Variants in DPP6 observed in about 807,000 individuals in gnomAD.
DPP6 encodes the protein dipeptidyl peptidase like 6.
In DPP6, 69 loss-of-function variants were observed where a neutral mutation model predicts 122.6. The observed-to-expected ratio is 0.56, with a 90% CI of 0.46 to 0.69. The LOEUF is 0.69. Among genes scored for constraint, DPP6 ranks in the 30% least tolerant of loss-of-function variants. DPP6 has a pLI of 0.00. For missense variants in DPP6, 928 were observed against 1,116.9 expected (o/e 0.83, Z 2.41); for synonymous variants, 418 against 433.1 (o/e 0.97, Z 0.43).
intron 2 of DPP6, among the ~76,000 whole-genome samples, chr7:154,473,925 T>A (rs1043671005): frequency 6.6e-6 from 1 of 152,158 alleles, no homozygotes; most frequent in Non-Finnish European, 1.5e-5. Context: ...ACTGTTGAAA[T>A]GAGAAAACTG....
At chr7:153,846,836 G>C in the DPP6 span, among the ~76,000 whole-genome samples, 1 of 151,766 alleles carries the variant, frequency 6.6e-6, no homozygotes, top group Non-Finnish European at 1.5e-5. Flanking sequence ...GGGACTACAG[G>C]CACCTGCCAC....
intron 1 of DPP6, among the ~76,000 whole-genome samples, chr7:154,188,585 G>T (rs961783729): frequency 6.6e-6 from 1 of 151,920 alleles, no homozygotes; most frequent in Non-Finnish European, 1.5e-5. Context: ...CTGGAAGGAG[G>T]ACCCCTAACC....
At chr7:154,404,313 A>T (rs1201951097) in intron 1 of DPP6, among the ~76,000 whole-genome samples, 1 of 152,252 alleles carries the variant, frequency 6.6e-6, no homozygotes, top group Non-Finnish European at 1.5e-5. Flanking sequence ...ATCAGAAGCT[A>T]CGCAGAGGAG....
intron 1 of DPP6, among the ~76,000 whole-genome samples, chr7:154,208,730 T>C (rs1016492556): frequency 2.0e-5 from 3 of 152,044 alleles, no homozygotes; most frequent in African/African-American, 7.2e-5. Context: ...AAATAAGTTT[T>C]CATCTTTGGC....
At chr7:154,283,714 C>G (rs570388118) in intron 1 of DPP6, among the ~76,000 whole-genome samples, 1 of 152,280 alleles carries the variant, frequency 6.6e-6, no homozygotes, top group South Asian at 2.1e-4. Flanking sequence ...TAAATTGAAG[C>G]TTGGATGGGC....
intron 1 of DPP6, among the ~76,000 whole-genome samples, chr7:154,046,565 C>G (rs181480182): frequency 6.6e-6 from 1 of 152,292 alleles, no homozygotes; most frequent in East Asian, 1.9e-4. Context: ...ATATTATGCT[C>G]TTGAAAGAAG....
At chr7:154,852,483 C>G (rs112456900) in intron 16 of DPP6, among the ~76,000 whole-genome samples, 26 of 143,724 alleles carry the variant, frequency 1.8e-4, no homozygotes, top group South Asian at 1.3e-3. Flanking sequence ...GGCTCTCCTG[C>G]CTCTCCTGCC....
chr7:153,834,708 G>C, the DPP6 span, among the ~76,000 whole-genome samples: 6 of 152,248 alleles, frequency 3.9e-5, no homozygotes, highest in African/African-American at 1.4e-4. Context: ...GGGCCTATTA[G>C]CAAGCTGCAT....
chr7:154,262,953 CTT>C (rs1803134675), intron 1 of DPP6, among the ~76,000 whole-genome samples: 1 of 152,234 alleles, frequency 6.6e-6, no homozygotes, highest in African/African-American at 2.4e-5. Context: ...AGTGGGGAAA[CTT>C]TCTCCTTAGT....
rs549288486 is a variant in DPP6, at chr7:154,755,388, A to G, written c.884-14029A>G. 6.6e-6 allele frequency among the ~76,000 whole-genome samples: 1 copy of G among 152,172 alleles called. No individual in the cohort carries two copies. Among genetic ancestry groups the G allele is most frequent in the Non-Finnish European group, 1.5e-5 (1 of 68,034 alleles). On this transcript the variant is annotated intron_variant, in intron 8 of 25. Transcript: ENST00000377770. The surrounding 1 kb of genome is among the most constrained non-coding windows in gnomAD (Gnocchi z 4.7). ...GGAGACAGGTGAGGAGACTGGAGACAGGCAGGTGCAGAAATGTCTCTGTCA... is the reference window on the plus strand; with the variant it reads ...GGAGACAGGTGAGGAGACTGGAGACGGGCAGGTGCAGAAATGTCTCTGTCA...
At chr7:154,121,097 C>A (rs1176202373) in intron 1 of DPP6, among the ~76,000 whole-genome samples, 2 of 152,168 alleles carry the variant, frequency 1.3e-5, no homozygotes, top group Non-Finnish European at 2.9e-5. Flanking sequence ...TGAAGGGGCG[C>A]CTTCCTCCAT....
At chr7:154,566,192 T>G (rs938845656) in intron 4 of DPP6, among the ~76,000 whole-genome samples, 2 of 152,226 alleles carry the variant, frequency 1.3e-5, no homozygotes, top group Non-Finnish European at 2.9e-5. Context: ...TTAGAATTAG[T>G]GAGAAAAAGG....
At chr7:154,000,133 T>G (rs1797627492) in intron 1 of DPP6, among the ~76,000 whole-genome samples, 1 of 152,228 alleles carries the variant, frequency 6.6e-6, no homozygotes, top group Non-Finnish European at 1.5e-5. Context: ...TGATAATATT[T>G]TCTTTGAGCA....
rs1471548285 is a variant in DPP6 at position 154,063,020 on chromosome 7, A to G, written c.243+9957A>G. Among the ~76,000 whole-genome samples, 2 of 134,302 alleles carry G rather than the reference A, an allele frequency of 1.5e-5. 1 individual carries two copies. Among genetic ancestry groups the G allele is most frequent in the Admixed American group, 1.5e-4 (2 of 12,990 alleles). 88.1% of individuals were successfully genotyped at this position (134,302 alleles called of 152,430 possible). The stretch of plus-strand genomic sequence containing the variant: ...AGTCCCTCTTCCCCCCCTGGCTCTG[A>G]GGAACCCCATCACAGGAGGGGGAGG... On this transcript the variant is annotated intron_variant, in intron 1 of 25. Coordinates refer to ENST00000377770, the MANE Select transcript of DPP6 (RefSeq NM_130797.4).
intron 1 of DPP6, among the ~76,000 whole-genome samples, chr7:154,129,950 C>T (rs894640189): frequency 6.6e-6 from 1 of 151,452 alleles, no homozygotes; most frequent in Non-Finnish European, 1.5e-5. Context: ...GTGACACACG[C>T]CTGTAATCCC....
chr7:154,857,706 T>G (rs886871199), intron 17 of DPP6, among the ~76,000 whole-genome samples: 1 of 152,326 alleles, frequency 6.6e-6, no homozygotes, highest in South Asian at 2.1e-4. Flanking sequence ...TTGTTCGTGG[T>G]GTGGTTGGAC....
intron 1 of DPP6, among the ~76,000 whole-genome samples, chr7:154,347,075 C>G (rs1810463382): frequency 6.6e-6 from 1 of 152,156 alleles, no homozygotes; most frequent in Non-Finnish European, 1.5e-5. Flanking sequence ...CAAATTAGCC[C>G]TGTAATGTTA....
chr7:153,973,632 C>CGTGTGTGTGTGTGTGTGT (rs773321136), intron 1 of DPP6, among the ~76,000 whole-genome samples: 1 of 113,420 alleles, frequency 8.8e-6, no homozygotes, highest in African/African-American at 3.2e-5. Context: ...CACCATCGCT[C>CGTGTGTGTGTGTGTGTGT]GTGTGTGTGT....
intron 1 of DPP6, among the ~76,000 whole-genome samples, chr7:154,104,198 T>C (rs549235819): frequency 1.3e-5 from 2 of 152,184 alleles, no homozygotes; most frequent in South Asian, 2.1e-4. Flanking sequence ...GTCTCCTCCA[T>C]GTGGAGATGC....
Sources: allele counts gnomAD v4.1 joint callset (sites outside exome capture counted in the v4.1 genomes callset), GRCh38; gene constraint gnomAD v4.1.1; non-coding constraint Gnocchi (gnomAD v3.1); transcripts MANE v1.5; gene names NCBI Gene and HGNC (gene_info 2026-07-23, HGNC 2026-07-21).